ZNF638: variants seen among roughly 807,000 people sequenced by gnomAD.
ZNF638 encodes zinc finger protein 638, also known as CTCL tumor antigen se33-1.
A neutral mutation model predicts 195.6 loss-of-function variants in ZNF638; 46 were observed. The observed-to-expected ratio is 0.24, with a 90% CI of 0.19 to 0.30. ZNF638 has a LOEUF of 0.30. Ranked by LOEUF, ZNF638 falls within the 10% of genes least tolerant of loss-of-function variation. The pLI, the probability that ZNF638 is intolerant of heterozygous loss-of-function variation, is 1.00. For missense variants in ZNF638, 2,440 were observed against 2,325.3 expected (o/e 1.05, Z -1.01); for synonymous variants, 845 against 772.0 (o/e 1.09, Z -1.57).
At chr2:71,430,792 A>G (rs139446783) in intron 25 of ZNF638, among the ~76,000 whole-genome samples, 158 of 152,318 alleles carry the variant, frequency 1.0e-3, no homozygotes, top group African/African-American at 3.5e-3. Context: ...TCTGTCCCCA[A>G]GATCATAGTA....
rs1390875820 is a variant in ZNF638 at position 71,423,850 on chromosome 2, A to G, written c.4336A>G (p.Arg1446Gly). Residue 1446 changes from arginine to glycine, a missense_variant, in exon 22 of 28, where the codon AGG (arginine) becomes GGG (glycine). Arg to Gly is a moderately radical substitution (Grantham distance 125). This residue lies in a region of ZNF638 where 1,883 missense variants were observed against 1,739.1 expected (regional missense o/e 1.08). Transcript: ENST00000264447. ...EFGLLKPTSA[R>G]SGLAESSSKF... ...TGGTCTGCTTAAACCCACAAGTGCC[A>G]GGTCAGGCTTGGCAGAAAGCAGCAG... 3 of 1,614,166 alleles carry G rather than the reference A, an allele frequency of 1.9e-6. No individual in the cohort carries two copies. Among genetic ancestry groups the G allele is most frequent in the Non-Finnish European group, 8.5e-7 (1 of 1,180,006 alleles).
chr2:71,404,634 T>A, intron 17 of ZNF638, among the ~76,000 whole-genome samples: 1 of 152,214 alleles, frequency 6.6e-6, no homozygotes, highest in East Asian at 1.9e-4. Flanking sequence ...GGAGGATCCC[T>A]TGAGCCTAGG....
intron 21 of ZNF638, among the ~76,000 whole-genome samples, chr2:71,420,826 A>G (rs1345601121): frequency 6.6e-6 from 1 of 152,228 alleles, no homozygotes. Context: ...ATTAGCCAGA[A>G]AGCAGATACT....
In ZNF638 at chr2:71,337,484, C is replaced by T. The variant is rs138365077; in HGVS notation, c.-203+5609C>T. The stretch of plus-strand genomic sequence containing the variant: ...GCTGGAGTCCAGTGAGTGATCTCGG[C>T]TCACTGCAATCTCTGCCTCCTGGGC... On this transcript the variant is annotated intron_variant, in intron 1 of 27. Coordinates refer to ENST00000264447, the MANE Select transcript of ZNF638 (RefSeq NM_014497.5). 1.1e-3 allele frequency among the ~76,000 whole-genome samples: 164 copies of T among 152,176 alleles called. 1 individual carries two copies. Among genetic ancestry groups the T allele is most frequent in the Middle Eastern group, 3.4e-3 (1 of 294 alleles).
In ZNF638 at chr2:71,368,415, G is replaced by A. The variant is rs1558847172; in HGVS notation, c.2029G>A (p.Val677Ile). The change falls in exon 7 of 28, where the codon GTT becomes ATT. Residue 677 changes from valine (V) to isoleucine (I), a missense_variant. Coordinates refer to ENST00000264447, the MANE Select transcript of ZNF638 (RefSeq NM_014497.5). ...AGAACAGTCATTGCATTATGGTTCGGTTCTTCTTATAACTGAATTACCAGA... is the reference window on the plus strand; with the variant it reads ...AGAACAGTCATTGCATTATGGTTCGATTCTTCTTATAACTGAATTACCAGA... ...RKEQSLHYGS[V>I]LLITELPEDG... The A allele has an allele frequency of 1.2e-6, 2 of 1,613,078 alleles. No individual in the cohort carries two copies. Among genetic ancestry groups the A allele is most frequent in the South Asian group, 2.2e-5 (2 of 90,944 alleles).
At position 71,369,954 on chromosome 2, in the gene ZNF638, G is replaced by A. The variant is rs770414462; in HGVS notation, c.2214G>A (p.Thr738=). The change falls in exon 8 of 28, where the codon ACG becomes ACA. Residue 738 remains threonine (T), a synonymous_variant. Coordinates refer to ENST00000264447, the MANE Select transcript of ZNF638 (RefSeq NM_014497.5). ...IMKYIETTPL[T]IKGKSVKICV... ...AGTACATTGAAACAACACCTCTTAC[G>A]ATAAAAGGAAAAAGTGTGAAAATAT... 7 of 1,597,684 alleles carry A rather than the reference G, an allele frequency of 4.4e-6. No homozygotes were observed. The highest frequency in any genetic ancestry group is 2.7e-5 in the African/African-American group (2 of 73,934).
chr2:71,359,892 A>G (rs138518658), intron 3 of ZNF638, among the ~76,000 whole-genome samples: 188 of 152,310 alleles, frequency 1.2e-3, no homozygotes, highest in Non-Finnish European at 1.0e-3. Flanking sequence ...TTGAGGAAAG[A>G]TAACAGTGCA....
At chr2:71,405,084 T>A (rs6725842) in intron 17 of ZNF638, among the ~76,000 whole-genome samples, 2 of 151,876 alleles carry the variant, frequency 1.3e-5, no homozygotes, top group African/African-American at 4.9e-5. Context: ...CTCAGTCTTA[T>A]AAAGTCCAAG....
chr2:71,363,833 T>C (rs568849432), intron 4 of ZNF638, 121 bp from the exon 5 acceptor site: 75 of 1,243,646 alleles, frequency 6.0e-5, no homozygotes, highest in Non-Finnish European at 7.7e-5. Flanking sequence ...TAAGTACATA[T>C]CTTTTATGAG....
intron 12 of ZNF638, among the ~76,000 whole-genome samples, chr2:71,399,001 G>A (rs2079950587): frequency 6.6e-6 from 1 of 152,114 alleles, no homozygotes; most frequent in African/African-American, 2.4e-5. Flanking sequence ...ATTTTTGACA[G>A]CTTTGTAATC....
intron 20 of ZNF638, among the ~76,000 whole-genome samples, chr2:71,417,444 G>A (rs982718959): frequency 2.6e-5 from 4 of 152,032 alleles, no homozygotes; most frequent in Admixed American, 6.6e-5. Flanking sequence ...CTTCTGCGTC[G>A]CTCACGCTGG....
rs182226292 is a variant in ZNF638 at position 71,417,663 on chromosome 2, T to G, written c.3262-939T>G. On this transcript the variant is annotated intron_variant, in intron 20 of 27. Coordinates refer to ENST00000264447, the MANE Select transcript of ZNF638 (RefSeq NM_014497.5). ...AGTTCCTCTGATACCATGCAGGGTTTTTTTTTTTTTCTCTCTAATAAACTT... is the reference window on the plus strand; with the variant it reads ...AGTTCCTCTGATACCATGCAGGGTTGTTTTTTTTTTCTCTCTAATAAACTT... Among the ~76,000 whole-genome samples, 1,087 of 152,168 alleles carry G rather than the reference T, an allele frequency of 7.1e-3. 8 individuals carry two copies. Among genetic ancestry groups the G allele is most frequent in the Non-Finnish European group, 0.011 (741 of 67,974 alleles).
intron 5 of ZNF638, among the ~76,000 whole-genome samples, chr2:71,365,123 A>G (rs576991715): frequency 4.6e-5 from 7 of 152,340 alleles, no homozygotes; most frequent in African/African-American, 9.6e-5. Flanking sequence ...GCACCAACCT[A>G]ACATATGAAT....
rs2079116121 is a variant in ZNF638 at position 71,361,911 on chromosome 2, A to G, written c.1380-1242A>G. Among the ~76,000 whole-genome samples, 4 of 152,332 alleles carry G rather than the reference A, an allele frequency of 2.6e-5. No homozygotes were observed. The South Asian group carries it at 6.2e-4, about 24-fold the overall frequency. On this transcript the variant is annotated intron_variant, in intron 3 of 27. Transcript: ENST00000264447. Reference sequence around the variant, plus strand: ...TTAACAATGTCTGAGGCAAATAGCAACCAAGACAAACCACTTTAATAAGGT... The same window carrying G: ...TTAACAATGTCTGAGGCAAATAGCAGCCAAGACAAACCACTTTAATAAGGT...
At chr2:71,383,169 A>G (rs1391630805) in intron 10 of ZNF638, among the ~76,000 whole-genome samples, 4 of 152,112 alleles carry the variant, frequency 2.6e-5, no homozygotes, top group African/African-American at 7.2e-5. Flanking sequence ...CTAAAATACA[A>G]AGATTAGCTG....
intron 3 of ZNF638, among the ~76,000 whole-genome samples, chr2:71,358,277 C>T (rs1424256059): frequency 6.6e-6 from 1 of 152,164 alleles, no homozygotes; most frequent in Non-Finnish European, 1.5e-5. Flanking sequence ...TGCAAAGATC[C>T]TTTTCCAAAT....
At chr2:71,431,107 C>A in intron 25 of ZNF638, 1 of 411,328 alleles carries the variant, frequency 2.4e-6, no homozygotes. Flanking sequence ...ATAAAATTTG[C>A]TGTTAGCTTT....
Position 71,368,510 on chromosome 2 carries a change from T to A in ZNF638, c.2124T>A (p.Ile708=). Residue 708 remains isoleucine (I), a synonymous_variant, in exon 7 of 28, where the codon ATT becomes ATA. Transcript: ENST00000264447. ...QPFGKVNDVL[I]VPYRKEAYLE... ...TTGGGAAAGTGAATGATGTCCTAAT[T>A]GTTCCATATAGAAAAGAGGTGAGTC... 1.2e-6 allele frequency: 2 copies of A among 1,612,718 alleles called. No individual in the cohort carries two copies. Among genetic ancestry groups the A allele is most frequent in the Non-Finnish European group, 1.7e-6 (2 of 1,179,580 alleles).
At chr2:71,373,170 G>A (rs1011631554) in intron 8 of ZNF638, among the ~76,000 whole-genome samples, 6 of 152,024 alleles carry the variant, frequency 3.9e-5, no homozygotes, top group South Asian at 2.1e-4. Flanking sequence ...TTAAAAATTC[G>A]TTATATAGAA....
Sources: allele counts gnomAD v4.1 joint callset (sites outside exome capture counted in the v4.1 genomes callset), GRCh38; gene constraint gnomAD v4.1.1; regional missense constraint gnomAD v4.1.1; transcripts MANE v1.5; gene names NCBI Gene and HGNC (gene_info 2026-07-23, HGNC 2026-07-21).